LGI3: variants seen among roughly 807,000 people sequenced by gnomAD.
LGI3 encodes leucine rich repeat LGI family member 3.
Under a neutral mutation model 55.4 loss-of-function variants are expected in LGI3, and 47 were observed. The observed-to-expected ratio is 0.85, with a 90% CI of 0.67 to 1.08. The LOEUF (loss-of-function observed/expected upper bound fraction) is 1.08, where lower values mean the gene tolerates loss of function less well. Ranked by LOEUF, LGI3 falls within the 50% of genes least tolerant of loss-of-function variation. The pLI, the probability that LGI3 is intolerant of heterozygous loss-of-function variation, is 0.00. For missense variants in LGI3, 664 were observed against 726.3 expected, an observed-to-expected ratio of 0.91 and a Z score of 0.99; for synonymous variants, 326 against 315.0, an observed-to-expected ratio of 1.04 and a Z score of -0.37.
intron 3 of LGI3, 62 bp downstream of exon 3, chr8:22,154,498 C>T: frequency 6.9e-7 from 1 of 1,446,282 alleles, no homozygotes; most frequent in Non-Finnish European, 9.7e-7. Flanking sequence ...AGTCCCTCGG[C>T]CTCCCAGGCC....
chr8:22,147,950 G>T lies in LGI3; in HGVS notation c.*210C>A. On this transcript the variant is annotated 3_prime_UTR_variant, in exon 8 of 8. Coordinates refer to ENST00000306317, the MANE Select transcript of LGI3 (RefSeq NM_139278.4). ...GGGAACTGGGCGTTAGGTGTCCCAG[G>T]GGTGCCTGGTGTTCATGCTGATTGC... The T allele has an allele frequency of 1.8e-6, 1 of 557,270 alleles. No homozygotes were observed. The highest frequency in any genetic ancestry group is 3.2e-6 in the Non-Finnish European group (1 of 316,568). The allele number at this position is 557,270 out of a possible 1,614,324, so 34.5% of individuals were successfully genotyped here.
chr8:22,155,357 G>C (rs377118408), intron 2 of LGI3, 35 bp downstream of exon 2: 15 of 1,601,556 alleles, frequency 9.4e-6, no homozygotes, highest in Non-Finnish European at 1.2e-5. Context: ...CCACCCCATA[G>C]TTCCCCCAAC....
intron 7 of LGI3, 39 bp from the exon 8 acceptor site, chr8:22,149,016 G>A (rs769371554): frequency 8.0e-6 from 12 of 1,494,580 alleles, no homozygotes; most frequent in Admixed American, 3.8e-5. Context: ...AGGCAGGCCG[G>A]CGGCTCCCAC....
Position 22,156,562 on chromosome 8 carries a change from TG to T in LGI3, c.-21del, listed in dbSNP as rs1338268130. On this transcript the variant is annotated 5_prime_UTR_variant, in exon 1 of 8. Transcript: ENST00000306317. ...CGCCATGCTGCCCGCGATCTCTCCC[TG>T]GGGCCGGCGGCCGCGGCCCCCGCCC... The T allele has an allele frequency of 9.5e-7, 1 of 1,050,408 alleles. No homozygotes were observed. Among genetic ancestry groups the T allele is most frequent in the Non-Finnish European group, 1.2e-6 (1 of 820,674 alleles). 65.1% of individuals were successfully genotyped at this position (1,050,408 alleles called of 1,614,324 possible). A position where few individuals can be genotyped will look rare whatever the true frequency, so the allele number is the denominator to read the frequency against.
At chr8:22,153,849 A>C (rs1332319328) in intron 5 of LGI3, 119 bp downstream of exon 5, 23 of 1,027,886 alleles carry the variant, frequency 2.2e-5, no homozygotes, top group Non-Finnish European at 3.3e-5. Flanking sequence ...GGGTCCCCCC[A>C]CCCAAGCCTT....
intron 7 of LGI3, among the ~76,000 whole-genome samples, chr8:22,150,114 C>A (rs1291921539): frequency 6.6e-6 from 1 of 152,146 alleles, no homozygotes; most frequent in Non-Finnish European, 1.5e-5. Flanking sequence ...TGATCAGTCC[C>A]CAAGTCCCAA....
chr8:22,147,945 C>T lies in LGI3; in HGVS notation c.*215G>A. 1.8e-6 allele frequency: 1 copy of T among 552,866 alleles called. No individual in the cohort carries two copies. The highest frequency in any genetic ancestry group is 2.3e-5 in the South Asian group (1 of 42,798). 34.2% of individuals were successfully genotyped at this position (552,866 alleles called of 1,614,324 possible). On this transcript the variant is annotated 3_prime_UTR_variant, in exon 8 of 8. Transcript: ENST00000306317. ...GTCACGGGAACTGGGCGTTAGGTGT[C>T]CCAGGGGTGCCTGGTGTTCATGCTG...
At position 22,156,345 on chromosome 8, in the gene LGI3, G is replaced by A. The variant is rs751484722; in HGVS notation, c.198C>T (p.Val66=). 2.5e-6 allele frequency: 4 copies of A among 1,609,930 alleles called. No homozygotes were observed. The highest frequency in any genetic ancestry group is 2.7e-5 in the African/African-American group (2 of 74,498). ...KAVPRNLPSE[V]ISLTLVNAAF... The stretch of plus-strand genomic sequence containing the variant: ...CAGGGCTGGACACTCACAGGGAGAT[G>A]ACCTCCGAGGGCAGGTTCCTGGGCA... The change falls in exon 1 of 8, where the codon GTC becomes GTT. Residue 66 remains valine, a synonymous_variant. Transcript: ENST00000306317.
chr8:22,154,140 A>T lies in LGI3; in HGVS notation c.422+2T>A. The T allele has an allele frequency of 6.2e-7, 1 of 1,613,804 alleles. No homozygotes were observed. Among genetic ancestry groups the T allele is most frequent in the Non-Finnish European group, 8.5e-7 (1 of 1,179,688 alleles). The stretch of plus-strand genomic sequence containing the variant: ...CAGTGTGTGTATGTGTGACGTACTC[A>T]CAGGTGAGTCAAGGACTTGAGTCCT... On this transcript the variant is annotated splice_donor_variant, in intron 4 of 7. Transcript: ENST00000306317. LOFTEE classifies it high-confidence loss of function.
rs1409811164 is a variant in LGI3 at position 22,156,585 on chromosome 8, G to A, written c.-43C>T. ...CCTGGGGCCGGCGGCCGCGGCCCCC[G>A]CCCCACCGCTCCCGCGGCTGGGCCA... On this transcript the variant is annotated 5_prime_UTR_variant, in exon 1 of 8. Transcript: ENST00000306317. The A allele has an allele frequency of 3.9e-6, 3 of 763,704 alleles. No homozygotes were observed. The highest frequency in any genetic ancestry group is 5.2e-6 in the Non-Finnish European group (3 of 572,448). The allele number at this position is 763,704 out of a possible 1,614,324, so 47.3% of individuals were successfully genotyped here.
chr8:22,156,436 G>A lies in LGI3; in HGVS notation c.107C>T (p.Thr36Met). The A allele has an allele frequency of 6.4e-7, 1 of 1,572,062 alleles. No individual in the cohort carries two copies. The highest frequency in any genetic ancestry group is 8.6e-7 in the Non-Finnish European group (1 of 1,162,150). Reference protein sequence around the residue: ...LQVSAKRPPKTPPCPPSCSCT... With the variant: ...LQVSAKRPPKMPPCPPSCSCT... ...AGAGCAGCTGGGCGGGCAGGGGGGC[G>A]TCTTGGGGGGCCTCTTAGCGCTGAC... The change falls in exon 1 of 8, where the codon ACG becomes ATG. Residue 36 changes from threonine to methionine, a missense_variant. By Grantham distance (81) the Thr-to-Met change is moderately conservative. Coordinates refer to ENST00000306317, the MANE Select transcript of LGI3 (RefSeq NM_139278.4).
chr8:22,153,522 G>A (rs1382226901), intron 5 of LGI3, among the ~76,000 whole-genome samples: 1 of 151,654 alleles, frequency 6.6e-6, no homozygotes, highest in Non-Finnish European at 1.5e-5. Context: ...CCAACATGGT[G>A]AAACCCCGTC....
rs747306497 is a variant in LGI3 at position 22,148,244 on chromosome 8, A to G, written c.1563T>C (p.Ala521=). The G allele has an allele frequency of 1.2e-6, 2 of 1,614,102 alleles. No individual in the cohort carries two copies. Among genetic ancestry groups the G allele is most frequent in the East Asian group, 4.5e-5 (2 of 44,878 alleles). Residue 521 remains alanine (A), a synonymous_variant, in exon 8 of 8, where the codon GCT becomes GCC. Coordinates refer to ENST00000306317, the MANE Select transcript of LGI3 (RefSeq NM_139278.4). The surrounding 1 kb of genome is among the most constrained non-coding windows in gnomAD (Gnocchi z 7.0). ...QAPRAFCYMP[A]GDAQLLLAPS... Reference sequence around the variant, plus strand: ...GGGCCAGGAGTAGCTGGGCGTCCCCAGCAGGCATGTAGCAGAAGGCCCGAG... The same window carrying G: ...GGGCCAGGAGTAGCTGGGCGTCCCCGGCAGGCATGTAGCAGAAGGCCCGAG...
In LGI3 at chr8:22,147,046, G is replaced by A. The variant is rs1423142887; in HGVS notation, c.*1114C>T. The A allele has an allele frequency of 6.6e-6, 1 of 152,260 alleles. No individual in the cohort carries two copies. Among genetic ancestry groups the A allele is most frequent in the Non-Finnish European group, 1.5e-5 (1 of 68,074 alleles). 9.4% of individuals were successfully genotyped at this position (152,260 alleles called of 1,614,324 possible). A position where few individuals can be genotyped will look rare whatever the true frequency, so the allele number is the denominator to read the frequency against. ...CGGTCCACTGAAAGGCAGTGCTCCT[G>A]GGGGCCTCTGTGGACTGGTGGGGCC... On this transcript the variant is annotated 3_prime_UTR_variant, in exon 8 of 8. Coordinates refer to ENST00000306317, the MANE Select transcript of LGI3 (RefSeq NM_139278.4).
chr8:22,155,926 G>A lies in LGI3; in HGVS notation c.206+411C>T, dbSNP rs555833155. Among the ~76,000 whole-genome samples, 7 of 152,338 alleles carry A rather than the reference G, an allele frequency of 4.6e-5. No individual in the cohort carries two copies. The East Asian group carries it at 1.2e-3, about 25-fold the overall frequency. On this transcript the variant is annotated intron_variant, in intron 1 of 7. Coordinates refer to ENST00000306317, the MANE Select transcript of LGI3 (RefSeq NM_139278.4). ...GAGTGCCAAGTGGCTGGTCAGTGGC[G>A]GGCATGTGCCCCATGCCAGGGTGCT... is the stretch of plus-strand genomic sequence containing the variant.
At position 22,151,949 on chromosome 8, in the gene LGI3, C is replaced by T. The variant is rs762607403; in HGVS notation, c.546G>A (p.Val182=). 3.1e-6 allele frequency: 5 copies of T among 1,612,972 alleles called. No individual in the cohort carries two copies. Among genetic ancestry groups the T allele is most frequent in the Non-Finnish European group, 4.2e-6 (5 of 1,179,620 alleles). Residue 182 remains valine, a synonymous_variant, in exon 6 of 8, where the codon GTG becomes GTA. Transcript: ENST00000306317. The part of the protein sequence containing the change: ...LNCDCKVKWL[V]EWLAHTNTTV... ...TGGTGTTGGTGTGTGCCAGCCACTC[C>T]ACCAACCACTTCACCTTGCAGTCAC...
chr8:22,154,886 G>A, intron 2 of LGI3: 1 of 522,572 alleles, frequency 1.9e-6, no homozygotes. Flanking sequence ...CCAGCTCCTG[G>A]TCCTCCCGGG....
intron 5 of LGI3, among the ~76,000 whole-genome samples, chr8:22,152,416 TG>T (rs1214756693): frequency 3.9e-5 from 6 of 152,200 alleles, no homozygotes; most frequent in African/African-American, 1.4e-4. Context: ...TCCCGCTGAT[TG>T]GACTTTAATG....
intron 2 of LGI3, 47 bp from the exon 3 acceptor site, chr8:22,154,678 GC>G: frequency 7.0e-7 from 1 of 1,419,566 alleles, no homozygotes; most frequent in Non-Finnish European, 1.0e-6. Flanking sequence ...TGTGCCTGCT[GC>G]CCCAGCCCCC....
Sources: gnomAD v4.1 joint callset for allele counts (sites outside exome capture counted in the v4.1 genomes callset) on GRCh38, gnomAD v4.1.1 for gene constraint, Gnocchi (gnomAD v3.1) non-coding constraint, MANE v1.5 for transcripts, NCBI Gene and HGNC (gene_info 2026-07-23, HGNC 2026-07-21) for gene names.